The following TATDN1 variants were observed in gnomAD, a reference collection of about 807,000 sequenced individuals.
The protein encoded by TATDN1 is TatD DNase domain containing 1.
Under a neutral mutation model 46.4 loss-of-function variants are expected in TATDN1, and 40 were observed. The observed-to-expected ratio is 0.86, with a 90% confidence interval of 0.67 to 1.12. The LOEUF (loss-of-function observed/expected upper bound fraction) is 1.12. TATDN1 is among the 50% of genes most tolerant of loss of function. TATDN1 has a pLI of 0.00. For missense variants in TATDN1, 326 were observed against 348.4 expected, an observed-to-expected ratio of 0.94 and a Z score of 0.51; for synonymous variants, 95 against 105.6, an observed-to-expected ratio of 0.90 and a Z score of 0.62.
At chr8:124,499,441 A>G (rs1435505587) in intron 9 of TATDN1, among the ~76,000 whole-genome samples, 2 of 152,208 alleles carry the variant, frequency 1.3e-5, no homozygotes, top group African/African-American at 4.8e-5. Flanking sequence ...AAATATATAT[A>G]CTAATAAACA....
chr8:124,517,106 G>A (rs1234017679), intron 4 of TATDN1, among the ~76,000 whole-genome samples: 1 of 152,210 alleles, frequency 6.6e-6, no homozygotes, highest in Non-Finnish European at 1.5e-5. Context: ...AAAACTCCCT[G>A]GAAGATAGTC....
chr8:124,492,198 C>T (rs1351064676), intron 11 of TATDN1, among the ~76,000 whole-genome samples: 1 of 152,104 alleles, frequency 6.6e-6, no homozygotes, highest in Admixed American at 6.5e-5. Flanking sequence ...TGGTCTCGAG[C>T]ACCTGACCTC....
chr8:124,519,578 T>A (rs1397215124), intron 3 of TATDN1, among the ~76,000 whole-genome samples: 2 of 152,216 alleles, frequency 1.3e-5, no homozygotes, highest in Non-Finnish European at 2.9e-5. Flanking sequence ...AAAGGAATAT[T>A]TAAAATATTT....
At chr8:124,502,116 C>T (rs886751573) in intron 9 of TATDN1, among the ~76,000 whole-genome samples, 8 of 152,024 alleles carry the variant, frequency 5.3e-5, no homozygotes, top group African/African-American at 1.2e-4. Context: ...GGGCAGATCA[C>T]GAGGTCAGGA....
chr8:124,538,729 T>C (rs1821723918), intron 1 of TATDN1, among the ~76,000 whole-genome samples: 1 of 152,230 alleles, frequency 6.6e-6, no homozygotes, highest in Non-Finnish European at 1.5e-5. Flanking sequence ...TGATTGGCCT[T>C]TTTGGAGTTT....
intron 6 of TATDN1, among the ~76,000 whole-genome samples, chr8:124,513,985 G>A (rs946907655): frequency 6.6e-6 from 1 of 152,190 alleles, no homozygotes; most frequent in Non-Finnish European, 1.5e-5. Flanking sequence ...AACCCTGCTA[G>A]TAACCACATG....
At chr8:124,496,056 C>G (rs952603797) in intron 9 of TATDN1, among the ~76,000 whole-genome samples, 3 of 152,192 alleles carry the variant, frequency 2.0e-5, no homozygotes. Context: ...CAGCCAAAAC[C>G]CAGCTGACTC....
At chr8:124,508,582 G>A (rs553205848) in intron 7 of TATDN1, 21 bp downstream of exon 7, 3 of 1,605,612 alleles carry the variant, frequency 1.9e-6, no homozygotes, top group African/African-American at 2.7e-5. Flanking sequence ...AGTTCTGAAT[G>A]AGACTTTGGT....
intron 9 of TATDN1, among the ~76,000 whole-genome samples, chr8:124,498,216 C>A (rs1189096648): frequency 1.3e-5 from 2 of 152,012 alleles, no homozygotes; most frequent in Non-Finnish European, 2.9e-5. Flanking sequence ...TGTTTTACTG[C>A]CAGTTCTCTT....
At chr8:124,494,723 A>AT (rs34109803) in intron 10 of TATDN1, 15,984 of 137,890 alleles carry the variant, frequency 0.12, 2,357 homozygotes, top group African/African-American at 0.35. Flanking sequence ...AATTTTTTGT[A>AT]TTTTTTTTTT....
chr8:124,522,110 A>G lies in TATDN1; in HGVS notation c.138+41T>C, dbSNP rs765356475. The G allele has an allele frequency of 7.0e-6, 10 of 1,437,470 alleles. 1 individual carries two copies. Among genetic ancestry groups the G allele is most frequent in the Middle Eastern group, 1.8e-4 (1 of 5,642 alleles). The allele number at this position is 1,437,470 out of a possible 1,614,324, so 89.0% of individuals were successfully genotyped here. A position where few individuals can be genotyped will look rare whatever the true frequency, so the allele number is the denominator to read the frequency against. ...ATTTTAACTAAAATTTAGTTAAAAA[A>G]TGAATTTTAAAAATCTCAAAAATAA... On this transcript the variant is annotated intron_variant, in intron 3 of 11. Coordinates refer to ENST00000276692, the MANE Select transcript of TATDN1 (RefSeq NM_032026.4).
At chr8:124,532,841 C>A (rs1408193447) in intron 1 of TATDN1, among the ~76,000 whole-genome samples, 1 of 152,140 alleles carries the variant, frequency 6.6e-6, no homozygotes, top group Non-Finnish European at 1.5e-5. Context: ...TGGAAGCCAG[C>A]AGAATTTTTG....
chr8:124,527,145 G>C (rs1820570213), intron 1 of TATDN1, among the ~76,000 whole-genome samples: 1 of 152,176 alleles, frequency 6.6e-6, no homozygotes, highest in Admixed American at 6.5e-5. Flanking sequence ...ACACTAAATG[G>C]GCTGGCTAAC....
At chr8:124,503,451 A>G (rs1818149842) in intron 9 of TATDN1, among the ~76,000 whole-genome samples, 1 of 152,194 alleles carries the variant, frequency 6.6e-6, no homozygotes, top group Non-Finnish European at 1.5e-5. Context: ...AATTAATTTT[A>G]AAGTTAATTA....
Position 124,522,951 on chromosome 8 carries a change from A to AC in TATDN1, c.73dup (p.Val25GlyfsTer7), listed in dbSNP as rs1398491117. On this transcript the variant is annotated frameshift_variant, in exon 2 of 12. Coordinates refer to ENST00000276692, the MANE Select transcript of TATDN1 (RefSeq NM_032026.4). LOFTEE classifies it high-confidence loss of function. ...GAAATATTTACCTTGATGCTTTTGA[A>AC]CCCCCCTATAAATTCCTCTGAACAT... 2 of 1,613,086 alleles carry AC rather than the reference A, an allele frequency of 1.2e-6. No individual in the cohort carries two copies. Among genetic ancestry groups the AC allele is most frequent in the East Asian group, 2.2e-5 (1 of 44,860 alleles).
At chr8:124,520,055 T>C (rs1819889781) in intron 3 of TATDN1, among the ~76,000 whole-genome samples, 1 of 152,242 alleles carries the variant, frequency 6.6e-6, no homozygotes, top group African/African-American at 2.4e-5. Flanking sequence ...GATATTTTCA[T>C]ATAGCTATTT....
At chr8:124,499,830 C>CA (rs1181168958) in intron 9 of TATDN1, among the ~76,000 whole-genome samples, 1 of 151,016 alleles carries the variant, frequency 6.6e-6, no homozygotes, top group Non-Finnish European at 1.5e-5. Context: ...AGGTGTGAGT[C>CA]ACTGCGCCCG....
chr8:124,494,029 T>A, intron 10 of TATDN1, 70 bp from the exon 11 acceptor site: 1 of 1,414,082 alleles, frequency 7.1e-7, no homozygotes. Context: ...CATTATCTAA[T>A]ATATAACCTC....
intron 1 of TATDN1, among the ~76,000 whole-genome samples, chr8:124,529,920 A>G (rs953745815): frequency 6.6e-6 from 1 of 152,058 alleles, no homozygotes; most frequent in Non-Finnish European, 1.5e-5. Context: ...AGTGAAATCC[A>G]GTCTCTACTA....
Sources: gnomAD v4.1 joint callset for allele counts (sites outside exome capture counted in the v4.1 genomes callset) on GRCh38, gnomAD v4.1.1 for gene constraint, MANE v1.5 for transcripts, NCBI Gene and HGNC (gene_info 2026-07-23, HGNC 2026-07-21) for gene names.